Variants in PAQR9 observed in about 807,000 individuals in gnomAD.
The protein encoded by PAQR9 is membrane progestin receptor epsilon.
In PAQR9, 12 loss-of-function variants were observed where a neutral mutation model predicts 24.0. That is an observed-to-expected ratio of 0.50 (90% CI 0.32 to 0.81). The LOEUF (loss-of-function observed/expected upper bound fraction) is 0.81, where lower values mean the gene tolerates loss of function less well. PAQR9 is among the 30% of genes least tolerant of loss of function. The pLI is 0.03. For synonymous variants in PAQR9, 266 were observed against 237.6 expected (o/e 1.12, Z -1.10); for missense variants, 418 against 520.8 (o/e 0.80, Z 1.92).
chr3:142,962,884 G>C lies in PAQR9; in HGVS notation c.453C>G (p.Ala151=). The change falls in exon 1 of 1, where the codon GCC becomes GCG. Residue 151 remains alanine (A), a synonymous_variant. Coordinates refer to ENST00000340634, the MANE Select transcript of PAQR9 (RefSeq NM_198504.4). ...ACGCGTAGTCCAGGTAGAAGAAGGCGGCGCGCAGACGCAGCGACAGGCAGC... is the reference window on the plus strand; with the variant it reads ...ACGCGTAGTCCAGGTAGAAGAAGGCCGCGCGCAGACGCAGCGACAGGCAGC... The part of the protein sequence containing the change: ...VFSCLSLRLR[A]AFFYLDYASI... The C allele has an allele frequency of 6.2e-7, 1 of 1,613,732 alleles. No homozygotes were observed. The highest frequency in any genetic ancestry group is 8.5e-7 in the Non-Finnish European group (1 of 1,179,982).
At chr3:142,950,633 G>A, downstream of PAQR9, 1 of 400,308 alleles carries the variant, frequency 2.5e-6, no homozygotes, top group South Asian at 1.9e-5. Context: ...AAGGCTATGG[G>A]GTAACTCAGA....
In PAQR9 at chr3:142,962,116, C is replaced by T; in HGVS notation, c.*87G>A. 2.1e-6 allele frequency: 3 copies of T among 1,434,744 alleles called. No individual in the cohort carries two copies. The highest frequency in any genetic ancestry group is 3.8e-5 in the Admixed American group (2 of 53,130). 88.9% of individuals were successfully genotyped at this position (1,434,744 alleles called of 1,614,324 possible). ...CCTTCCTTGAGCAAAGAAGAAAACA[C>T]AATGAAATTTGAAAACAAACCAACA... On this transcript the variant is annotated 3_prime_UTR_variant, in exon 1 of 1. Transcript: ENST00000340634.
rs754521270 is a variant in PAQR9, at chr3:142,955,477, A to AG, written c.*6725dup. On this transcript the variant is annotated 3_prime_UTR_variant, in exon 1 of 1. Coordinates refer to ENST00000340634, the MANE Select transcript of PAQR9 (RefSeq NM_198504.4). ...AAAAAAAAAAAAAAAAAAAAAAAAA[A>AG]GCAGCCACAGAATCCTCCCCCAGCC... 4.0e-3 allele frequency among the ~76,000 whole-genome samples: 437 copies of AG among 108,486 alleles called. 3 individuals carry two copies. The highest frequency in any genetic ancestry group is 6.9e-3 in the Non-Finnish European group (361 of 51,960). 71.2% of individuals were successfully genotyped at this position (108,486 alleles called of 152,430 possible).
chr3:142,963,216 C>G lies in PAQR9; in HGVS notation c.121G>C (p.Ala41Pro), dbSNP rs1560160318. The G allele has an allele frequency of 1.3e-6, 2 of 1,564,290 alleles. No homozygotes were observed. The highest frequency in any genetic ancestry group is 1.4e-5 in the African/African-American group (1 of 73,780). Residue 41 changes from alanine to proline, a missense_variant, in exon 1 of 1, where the codon GCC (alanine) becomes CCC (proline). Coordinates refer to ENST00000340634, the MANE Select transcript of PAQR9 (RefSeq NM_198504.4). ...TCGTCCCAGCGCAGCAGCGGCTTGG[C>G]AGACGCTGGGGGGTCCCGGGAGGCG... ...SAASRDPPAS[A>P]KPLLRWDEVP... is the part of the protein sequence containing the mutation.
At position 142,955,589 on chromosome 3, in the gene PAQR9, G is replaced by A. The variant is rs1934780113; in HGVS notation, c.*6614C>T. ...CTATTCTGAAGAAACAAGGGACAGA[G>A]TTCCAGGGCTGTACATTTTATTGGC... On this transcript the variant is annotated 3_prime_UTR_variant, in exon 1 of 1. Coordinates refer to ENST00000340634, the MANE Select transcript of PAQR9 (RefSeq NM_198504.4). Among the ~76,000 whole-genome samples the A allele has an allele frequency of 6.6e-6, 1 of 150,934 alleles. No homozygotes were observed. Among genetic ancestry groups the A allele is most frequent in the Non-Finnish European group, 1.5e-5 (1 of 67,802 alleles).
chr3:142,958,694 T>C lies in PAQR9; in HGVS notation c.*3509A>G, dbSNP rs1934833285. The stretch of plus-strand genomic sequence containing the variant: ...AAATTGTTTTTTGACTGCAAGCACT[T>C]ACAAGCTGGATTTATGAATGGAAAC... On this transcript the variant is annotated 3_prime_UTR_variant, in exon 1 of 1. Transcript: ENST00000340634. 6.6e-6 allele frequency among the ~76,000 whole-genome samples: 1 copy of C among 152,220 alleles called. No individual in the cohort carries two copies. Among genetic ancestry groups the C allele is most frequent in the African/African-American group, 2.4e-5 (1 of 41,462 alleles).
rs796654450 is a variant in PAQR9, at chr3:142,959,167, G to A, written c.*3036C>T. On this transcript the variant is annotated 3_prime_UTR_variant, in exon 1 of 1. Transcript: ENST00000340634. ...TATAATTTGTCCTACATTTCAAACA[G>A]CTGAACACAATAAAGTAAAACTGAA... Among the ~76,000 whole-genome samples, 5 of 152,304 alleles carry A rather than the reference G, an allele frequency of 3.3e-5. No individual in the cohort carries two copies. The highest frequency in any genetic ancestry group is 1.2e-4 in the African/African-American group (5 of 41,554).
At position 142,960,506 on chromosome 3, in the gene PAQR9, G is replaced by T; in HGVS notation, c.*1697C>A. 6.5e-6 allele frequency: 1 copy of T among 152,872 alleles called. No homozygotes were observed. Among genetic ancestry groups the T allele is most frequent in the South Asian group, 1.9e-4 (1 of 5,248 alleles). 9.5% of individuals were successfully genotyped at this position (152,872 alleles called of 1,614,324 possible). A position where few individuals can be genotyped will look rare whatever the true frequency, so the allele number is the denominator to read the frequency against. On this transcript the variant is annotated 3_prime_UTR_variant, in exon 1 of 1. Transcript: ENST00000340634. The stretch of plus-strand genomic sequence containing the variant: ...ACAAGCCAGTGAAGTACAGCTGGCT[G>T]GGTATGAGGGCCACCCACTCCTCCT...
chr3:142,950,044 A>G (rs1300707479), downstream of PAQR9: 1 of 152,184 alleles, frequency 6.6e-6, no homozygotes, highest in South Asian at 2.1e-4. Context: ...TCTAGCATTT[A>G]TGCTTGATTT....
chr3:142,963,644 T>C lies in PAQR9; in HGVS notation c.-308A>G. The C allele has an allele frequency of 1.5e-6, 1 of 646,748 alleles. No homozygotes were observed. 40.1% of individuals were successfully genotyped at this position (646,748 alleles called of 1,614,324 possible). On this transcript the variant is annotated 5_prime_UTR_variant, in exon 1 of 1. Coordinates refer to ENST00000340634, the MANE Select transcript of PAQR9 (RefSeq NM_198504.4). Reference sequence around the variant, plus strand: ...GCTGCGGCAGCGGCGGCGGCGCGGCTGACTGCGGCGGCAGCGCGGCAGCGG... The same window carrying C: ...GCTGCGGCAGCGGCGGCGGCGCGGCCGACTGCGGCGGCAGCGCGGCAGCGG...
In PAQR9 at chr3:142,963,082, G is replaced by A; in HGVS notation, c.255C>T (p.Leu85=). 1 of 1,614,134 alleles carries A rather than the reference G, an allele frequency of 6.2e-7. No individual in the cohort carries two copies. The highest frequency in any genetic ancestry group is 8.5e-7 in the Non-Finnish European group (1 of 1,179,996). The change falls in exon 1 of 1, where the codon CTC becomes CTT. Residue 85 remains leucine (L), a synonymous_variant. Coordinates refer to ENST00000340634, the MANE Select transcript of PAQR9 (RefSeq NM_198504.4). The part of the protein sequence containing the change: ...ASVLKPTNET[L]NFWTHFIPLL... ...GCGGGATGAAGTGCGTCCAGAAGTT[G>A]AGCGTCTCGTTGGTAGGCTTCAGCA... is the stretch of plus-strand genomic sequence containing the variant.
chr3:142,963,227 G>A lies in PAQR9; in HGVS notation c.110C>T (p.Pro37Leu), dbSNP rs1357082614. 2.6e-6 allele frequency: 4 copies of A among 1,553,854 alleles called. No individual in the cohort carries two copies. Among genetic ancestry groups the A allele is most frequent in the Middle Eastern group, 1.7e-4 (1 of 5,970 alleles). ...CAGCAGCGGCTTGGCAGACGCTGGG[G>A]GGTCCCGGGAGGCGGCAGAGTGGGA... is the stretch of plus-strand genomic sequence containing the variant. ...RNSHSAASRD[P>L]PASAKPLLRW... The change falls in exon 1 of 1, where the codon CCC becomes CTC. Residue 37 changes from proline (P) to leucine (L), a missense_variant. Pro to Leu is a moderately conservative substitution (Grantham distance 98). Transcript: ENST00000340634.
downstream of PAQR9, among the ~76,000 whole-genome samples, chr3:142,953,790 G>A (rs1300023776): frequency 6.6e-6 from 1 of 152,146 alleles, no homozygotes; most frequent in Non-Finnish European, 1.5e-5. Context: ...CCCATACCTT[G>A]TCTCTAGAGG....
rs1427521113 is a variant in PAQR9 at position 142,962,609 on chromosome 3, C to T, written c.728G>A (p.Arg243His). 6.2e-7 allele frequency: 1 copy of T among 1,613,306 alleles called. No homozygotes were observed. ...TDWCTYPFAL[R>H]TFVFVMPLSM... is the part of the protein sequence containing the mutation. ...GAGCGGCATGACGAAGACGAAGGTG[C>T]GCAGCGCGAACGGGTAGGTACACCA... Residue 243 changes from arginine to histidine, a missense_variant, in exon 1 of 1, where the codon CGC becomes CAC. By Grantham distance (29) the Arg-to-His change is conservative. Transcript: ENST00000340634.
At position 142,962,968 on chromosome 3, in the gene PAQR9, C is replaced by T; in HGVS notation, c.369G>A (p.Trp123Ter). 6.2e-7 allele frequency: 1 copy of T among 1,614,096 alleles called. No homozygotes were observed. The highest frequency in any genetic ancestry group is 8.5e-7 in the Non-Finnish European group (1 of 1,180,014). ...PFHHPWLLPL[W>*]CYASGVLLTF... is the part of the protein sequence containing the mutation. ...TCAGCAGCACTCCCGACGCGTAGCA[C>T]CACAACGGTAGCAGCCACGGGTGGT... is the stretch of plus-strand genomic sequence containing the variant. The change falls in exon 1 of 1, where the codon TGG becomes TGA. Residue 123 changes from tryptophan to a stop codon, truncating the protein, a stop_gained. Transcript: ENST00000340634. LOFTEE classifies it high-confidence loss of function.
At position 142,960,526 on chromosome 3, in the gene PAQR9, C is replaced by G. The variant is rs901069295; in HGVS notation, c.*1677G>C. 1 of 152,648 alleles carries G rather than the reference C, an allele frequency of 6.6e-6. No homozygotes were observed. Among genetic ancestry groups the G allele is most frequent in the Non-Finnish European group, 1.5e-5 (1 of 68,086 alleles). The allele number at this position is 152,648 out of a possible 1,614,324, so 9.5% of individuals were successfully genotyped here. On this transcript the variant is annotated 3_prime_UTR_variant, in exon 1 of 1. Transcript: ENST00000340634. Reference sequence around the variant, plus strand: ...TGGCTGGGTATGAGGGCCACCCACTCCTCCTGCTGAGCCAGTAAAGGCACA... The same window carrying G: ...TGGCTGGGTATGAGGGCCACCCACTGCTCCTGCTGAGCCAGTAAAGGCACA...
Position 142,958,059 on chromosome 3 carries a change from T to C in PAQR9, c.*4144A>G, listed in dbSNP as rs1934822418. ...ACGGATGGGTCCTTGCCCAATGTCT[T>C]ACACACAGTAGGTGCTCAAAGATCA... is the stretch of plus-strand genomic sequence containing the variant. On this transcript the variant is annotated 3_prime_UTR_variant, in exon 1 of 1. Transcript: ENST00000340634. Among the ~76,000 whole-genome samples, 1 of 152,170 alleles carries C rather than the reference T, an allele frequency of 6.6e-6. No homozygotes were observed. The highest frequency in any genetic ancestry group is 2.4e-5 in the African/African-American group (1 of 41,430).
rs1934925839 is a variant in PAQR9 at position 142,962,749 on chromosome 3, C to G, written c.588G>C (p.Leu196=). Reference sequence around the variant, plus strand: ...GGCGCGTGCAGTCCACGTGCCAGCCCAGGCGCTGCTGCAAGTATGGAGTCA... The same window carrying G: ...GGCGCGTGCAGTCCACGTGCCAGCCGAGGCGCTGCTGCAAGTATGGAGTCA... ...RVMTPYLQQR[L]GWHVDCTRLI... The change falls in exon 1 of 1, where the codon CTG becomes CTC. Residue 196 remains leucine, a synonymous_variant. Coordinates refer to ENST00000340634, the MANE Select transcript of PAQR9 (RefSeq NM_198504.4). The G allele has an allele frequency of 3.1e-6, 5 of 1,612,358 alleles. No individual in the cohort carries two copies. The highest frequency in any genetic ancestry group is 1.6e-4 in the Middle Eastern group (1 of 6,084).
rs1258445362 is a variant in PAQR9 at position 142,961,172 on chromosome 3, A to G, written c.*1031T>C. The G allele has an allele frequency of 1.3e-5, 2 of 152,668 alleles. No homozygotes were observed. Among genetic ancestry groups the G allele is most frequent in the Non-Finnish European group, 2.9e-5 (2 of 68,040 alleles). The allele number at this position is 152,668 out of a possible 1,614,324, so 9.5% of individuals were successfully genotyped here. A position where few individuals can be genotyped will look rare whatever the true frequency, so the allele number is the denominator to read the frequency against. On this transcript the variant is annotated 3_prime_UTR_variant, in exon 1 of 1. Transcript: ENST00000340634. ...ATGAAACCTTGATTTTCAGTCAGGTAAGAAAAGCTTATTCTTACTACTCTC... is the reference window on the plus strand; with the variant it reads ...ATGAAACCTTGATTTTCAGTCAGGTGAGAAAAGCTTATTCTTACTACTCTC...
Sources: gnomAD v4.1 joint callset for allele counts (sites outside exome capture counted in the v4.1 genomes callset) on GRCh38, gnomAD v4.1.1 for gene constraint, MANE v1.5 for transcripts, NCBI Gene and HGNC (gene_info 2026-07-23, HGNC 2026-07-21) for gene names.